Variants in ITGA8 observed in about 807,000 individuals in gnomAD.
The protein encoded by ITGA8 is integrin alpha-8.
In ITGA8, 91 loss-of-function variants were observed where a neutral mutation model predicts 142.3. The ratio of observed to expected loss-of-function variants is 0.64; its 90% confidence interval spans 0.54 to 0.76. The LOEUF (loss-of-function observed/expected upper bound fraction) is 0.76. ITGA8 is among the 30% of genes least tolerant of loss of function. The pLI, the probability that ITGA8 is intolerant of heterozygous loss-of-function variation, is 0.00. For missense variants in ITGA8, 1,406 were observed against 1,327.7 expected (o/e 1.06, Z -0.92); for synonymous variants, 505 against 485.2 (o/e 1.04, Z -0.54).
At chr10:15,667,065 A>T (rs965138615) in intron 8 of ITGA8, among the ~76,000 whole-genome samples, 6 of 152,044 alleles carry the variant, frequency 3.9e-5, no homozygotes, top group African/African-American at 1.4e-4. Flanking sequence ...CTCTTTTTCT[A>T]TTGATTGGAA....
intron 11 of ITGA8, among the ~76,000 whole-genome samples, chr10:15,654,561 C>G (rs923414238): frequency 6.6e-6 from 1 of 152,112 alleles, no homozygotes; most frequent in Non-Finnish European, 1.5e-5. Flanking sequence ...AAATATCTAG[C>G]AAAAGTATAG....
chr10:15,666,766 A>G (rs187456524), intron 8 of ITGA8, among the ~76,000 whole-genome samples: 1,944 of 152,226 alleles, frequency 0.013, 28 homozygotes, highest in African/African-American at 0.044. Context: ...TTCTGCATCT[A>G]TTGAGATAAT....
At chr10:15,709,649 C>T (rs1810859881) in intron 2 of ITGA8, among the ~76,000 whole-genome samples, 1 of 152,142 alleles carries the variant, frequency 6.6e-6, no homozygotes, top group Admixed American at 6.5e-5. Context: ...GCTCTTATAA[C>T]AAGTTTTGTG....
At chr10:15,640,462 TTA>T (rs1321292200) in intron 13 of ITGA8, among the ~76,000 whole-genome samples, 1 of 152,224 alleles carries the variant, frequency 6.6e-6, no homozygotes, top group Non-Finnish European at 1.5e-5. Context: ...AAGAAATTGT[TTA>T]TCTTTTTAAG....
At chr10:15,643,993 C>A (rs376695341) in intron 13 of ITGA8, 37 bp downstream of exon 13, 48 of 1,576,238 alleles carry the variant, frequency 3.0e-5, no homozygotes, top group Non-Finnish European at 3.9e-5. Context: ...TATTTCAGGA[C>A]GTAGACTCTC....
intron 2 of ITGA8, among the ~76,000 whole-genome samples, chr10:15,716,050 A>G (rs1835444631): frequency 6.6e-6 from 1 of 152,076 alleles, no homozygotes; most frequent in Non-Finnish European, 1.5e-5. Context: ...TTTCCCAACA[A>G]TTCCTTTCTC....
intron 15 of ITGA8, among the ~76,000 whole-genome samples, chr10:15,609,021 A>G (rs181405732): frequency 1.4e-3 from 209 of 152,192 alleles, no homozygotes; most frequent in Non-Finnish European, 2.3e-3. Context: ...AATAAAGACA[A>G]TCAAGAGAGG....
At chr10:15,639,230 G>A (rs74124276) in intron 13 of ITGA8, among the ~76,000 whole-genome samples, 36,463 of 151,934 alleles carry the variant, frequency 0.24, 4,542 homozygotes, top group Admixed American at 0.32. Flanking sequence ...AGAGAACAGC[G>A]GCTGGTGGGT....
rs71374638 is a variant in ITGA8 at position 15,680,216 on chromosome 10, C to CT, written c.569-1434dup. ...CACCATCAATTTTTTCCAGATGCTC[C>CT]TTTTTTTTTTTTTTTTTTTTTTTTT... On this transcript the variant is annotated intron_variant, in intron 4 of 29. Coordinates refer to ENST00000378076, the MANE Select transcript of ITGA8 (RefSeq NM_003638.3). Among the ~76,000 whole-genome samples, 275 of 54,278 alleles carry CT rather than the reference C, an allele frequency of 5.1e-3. 34 individuals are homozygous for CT. Among genetic ancestry groups the CT allele is most frequent in the Middle Eastern group, 0.016 (1 of 64 alleles). 35.6% of individuals were successfully genotyped at this position (54,278 alleles called of 152,430 possible).
At chr10:15,583,943 C>G (rs1481388872) in intron 23 of ITGA8, among the ~76,000 whole-genome samples, 1 of 152,094 alleles carries the variant, frequency 6.6e-6, no homozygotes, top group East Asian at 1.9e-4. Context: ...TGACTAAACT[C>G]TAGAATAGAA....
intron 8 of ITGA8, among the ~76,000 whole-genome samples, chr10:15,662,936 AC>A (rs749201561): frequency 3.4e-4 from 51 of 152,180 alleles, no homozygotes; most frequent in Non-Finnish European, 4.3e-4. Flanking sequence ...AAGGCTCTTA[AC>A]CTTTTTTGAG....
chr10:15,616,391 T>G (rs1157190874), intron 14 of ITGA8, 123 bp downstream of exon 14: 1 of 796,334 alleles, frequency 1.3e-6, no homozygotes, highest in Non-Finnish European at 2.1e-6. Context: ...ACCTCTAGAC[T>G]TTAAAAAGAG....
intron 28 of ITGA8, among the ~76,000 whole-genome samples, chr10:15,530,021 A>G (rs1172462291): frequency 1.3e-5 from 2 of 152,198 alleles, no homozygotes; most frequent in African/African-American, 2.4e-5. Context: ...ACTGGCTACC[A>G]AGGGATGAAG....
chr10:15,693,066 C>CAAAATAAAAT (rs372958181), intron 2 of ITGA8, among the ~76,000 whole-genome samples: 12 of 152,126 alleles, frequency 7.9e-5, no homozygotes, highest in Non-Finnish European at 1.6e-4. Flanking sequence ...GACTCTGTCT[C>CAAAATAAAAT]AAAATAAAAT....
At chr10:15,696,441 G>GA (rs1188420618) in intron 2 of ITGA8, among the ~76,000 whole-genome samples, 1 of 151,962 alleles carries the variant, frequency 6.6e-6, no homozygotes, top group Non-Finnish European at 1.5e-5. Flanking sequence ...AAATTCAATA[G>GA]AAAAAAATTT....
chr10:15,533,570 C>T (rs755622104), intron 27 of ITGA8, among the ~76,000 whole-genome samples: 2 of 152,168 alleles, frequency 1.3e-5, no homozygotes, highest in Non-Finnish European at 2.9e-5. Flanking sequence ...AAATGCGTTT[C>T]CATGCTCCCA....
intron 13 of ITGA8, among the ~76,000 whole-genome samples, chr10:15,633,017 T>C (rs949594050): frequency 1.3e-5 from 2 of 152,242 alleles, no homozygotes; most frequent in African/African-American, 2.4e-5. Context: ...TTTGATTTCA[T>C]GTTTCTTTTT....
intron 19 of ITGA8, among the ~76,000 whole-genome samples, chr10:15,605,257 T>C (rs1833173660): frequency 1.3e-5 from 2 of 152,226 alleles, no homozygotes; most frequent in Non-Finnish European, 2.9e-5. Flanking sequence ...TGACACCTTC[T>C]GCTTTACTCC....
At chr10:15,587,266 T>C (rs1329406640) in intron 22 of ITGA8, among the ~76,000 whole-genome samples, 1 of 152,208 alleles carries the variant, frequency 6.6e-6, no homozygotes, top group Non-Finnish European at 1.5e-5. Flanking sequence ...TGTATTGAAC[T>C]GAGCTCATTT....
Sources: gnomAD v4.1 joint callset for allele counts (sites outside exome capture counted in the v4.1 genomes callset) on GRCh38, gnomAD v4.1.1 for gene constraint, MANE v1.5 for transcripts, NCBI Gene and HGNC (gene_info 2026-07-23, HGNC 2026-07-21) for gene names.